Variants in SCN1A observed in about 807,000 individuals in gnomAD.
The protein encoded by SCN1A is sodium channel protein type 1 subunit alpha.
A neutral mutation model predicts 193.7 loss-of-function variants in SCN1A; 13 were observed. The ratio of observed to expected loss-of-function variants is 0.07; its 90% confidence interval spans 0.04 to 0.11. The LOEUF (loss-of-function observed/expected upper bound fraction) is 0.11, where lower values mean the gene tolerates loss of function less well. SCN1A is among the 10% of genes least tolerant of loss of function. The pLI, the probability that SCN1A is intolerant of heterozygous loss-of-function variation, is 1.00. For synonymous variants in SCN1A, 781 were observed against 843.6 expected (o/e 0.93, Z 1.29); for missense variants, 1,432 against 2,451.1 (o/e 0.58, Z 8.78).
chr2:166,100,094 A>G (rs1687872556), intron 2 of SCN1A, among the ~76,000 whole-genome samples: 2 of 132,306 alleles, frequency 1.5e-5, no homozygotes, highest in South Asian at 2.5e-4. Flanking sequence ...GAGGCATCAC[A>G]CTACCTGACT....
intron 2 of SCN1A, among the ~76,000 whole-genome samples, chr2:166,108,634 G>A (rs1041138665): frequency 1.3e-5 from 2 of 152,122 alleles, no homozygotes; most frequent in Admixed American, 1.3e-4. Flanking sequence ...CAATTAAAAT[G>A]AATGAATACT....
At chr2:166,117,789 G>T (rs1294191483) in intron 2 of SCN1A, among the ~76,000 whole-genome samples, 3 of 152,032 alleles carry the variant, frequency 2.0e-5, no homozygotes, top group Non-Finnish European at 4.4e-5. Flanking sequence ...GAGATCAGGA[G>T]TTCAGCCTGG....
At chr2:166,051,317 G>A (rs1698529010) in intron 9 of SCN1A, among the ~76,000 whole-genome samples, 1 of 151,700 alleles carries the variant, frequency 6.6e-6, no homozygotes, top group South Asian at 2.1e-4. Flanking sequence ...AAAATCCAGG[G>A]GGTAGAAATA....
intron 15 of SCN1A, 114 bp from the exon 16 acceptor site, chr2:166,041,583 A>T (rs1195364745): frequency 1.2e-5 from 9 of 781,054 alleles, no homozygotes; most frequent in Non-Finnish European, 1.9e-5. Context: ...TGTTACAGAG[A>T]CAACCTTTTT....
rs1050490889 is a variant in SCN1A at position 166,000,002 on chromosome 2, C to G, written c.4285-226G>C. 7.2e-6 allele frequency: 4 copies of G among 558,476 alleles called. No homozygotes were observed. In the African/African-American group the frequency reaches 7.6e-5, roughly 11 times the overall value. 34.6% of individuals were successfully genotyped at this position (558,476 alleles called of 1,614,324 possible). A position where few individuals can be genotyped will look rare whatever the true frequency, so the allele number is the denominator to read the frequency against. On this transcript the variant is annotated intron_variant, in intron 24 of 28. Transcript: ENST00000674923. ...ATTTGATATATCCTCCCCTTGATAA[C>G]CAACTCACAAGCACTTTTCAATTCT...
chr2:166,142,651 A>T (rs1692136267), intron 1 of SCN1A, among the ~76,000 whole-genome samples: 1 of 152,222 alleles, frequency 6.6e-6, no homozygotes, highest in Non-Finnish European at 1.5e-5. Context: ...TACCTCTCTG[A>T]ATAAAATAAT....
intron 26 of SCN1A, among the ~76,000 whole-genome samples, chr2:165,997,157 C>G (rs140612311): frequency 3.4e-4 from 51 of 151,104 alleles, no homozygotes; most frequent in African/African-American, 1.2e-3. Flanking sequence ...TTCTGTCCCT[C>G]TCTCTTTTTT....
chr2:166,112,389 CT>C (rs951355954), intron 2 of SCN1A, among the ~76,000 whole-genome samples: 12 of 152,116 alleles, frequency 7.9e-5, no homozygotes, highest in Non-Finnish European at 1.5e-4. Context: ...AAGGTATGCA[CT>C]TTTTTTCAAC....
intron 1 of SCN1A, among the ~76,000 whole-genome samples, chr2:166,142,663 C>T (rs377424087): frequency 1.7e-4 from 26 of 152,186 alleles, no homozygotes; most frequent in Non-Finnish European, 3.5e-4. Context: ...TAAAATAATT[C>T]CAACAGAACA....
chr2:166,087,164 TG>T (rs767354952), intron 2 of SCN1A, among the ~76,000 whole-genome samples: 1 of 146,326 alleles, frequency 6.8e-6, no homozygotes, highest in African/African-American at 2.5e-5. Context: ...GAGAACTGGT[TG>T]AAAAAAAAAA....
chr2:166,106,176 G>A (rs1440314569), intron 2 of SCN1A, among the ~76,000 whole-genome samples: 1 of 152,176 alleles, frequency 6.6e-6, no homozygotes, highest in Admixed American at 6.5e-5. Context: ...GATAGAGCGA[G>A]ACTCCGTCTC....
intron 3 of SCN1A, among the ~76,000 whole-genome samples, chr2:166,074,272 C>T (rs900315832): frequency 4.6e-5 from 7 of 152,098 alleles, no homozygotes; most frequent in Non-Finnish European, 7.3e-5. Flanking sequence ...TACTTGAACA[C>T]ATAAAGATAA....
At chr2:166,070,646 T>C (rs1312842745) in intron 4 of SCN1A, among the ~76,000 whole-genome samples, 4 of 152,216 alleles carry the variant, frequency 2.6e-5, no homozygotes, top group Non-Finnish European at 5.9e-5. Context: ...ACAATTTTGT[T>C]TTACATCTGT....
chr2:166,008,937 A>T (rs1419319548), intron 23 of SCN1A, among the ~76,000 whole-genome samples: 1 of 151,008 alleles, frequency 6.6e-6, no homozygotes, highest in Admixed American at 6.6e-5. Flanking sequence ...AAATAAGTCA[A>T]TAATGGCAAA....
At chr2:166,106,047 C>A (rs530860080) in intron 2 of SCN1A, among the ~76,000 whole-genome samples, 2 of 152,258 alleles carry the variant, frequency 1.3e-5, no homozygotes, top group East Asian at 3.9e-4. Flanking sequence ...ATGAGCCGGG[C>A]TGGGTGGCAA....
chr2:166,105,309 C>T (rs1351612606), intron 2 of SCN1A, among the ~76,000 whole-genome samples: 2 of 152,200 alleles, frequency 1.3e-5, no homozygotes, highest in Non-Finnish European at 2.9e-5. Context: ...TGGTTATTAA[C>T]AGGGTTACCA....
At chr2:166,133,278 A>G (rs1481936837) in intron 1 of SCN1A, among the ~76,000 whole-genome samples, 1 of 152,148 alleles carries the variant, frequency 6.6e-6, no homozygotes, top group Non-Finnish European at 1.5e-5. Context: ...GCAGGTGATT[A>G]TTTCAGGGAA....
At chr2:166,059,396 A>G (rs1574305856) in intron 4 of SCN1A, 2 of 152,276 alleles carry the variant, frequency 1.3e-5, no homozygotes, top group South Asian at 4.1e-4. Context: ...GTGCTTTCTT[A>G]TCACAGAGGA....
intron 2 of SCN1A, among the ~76,000 whole-genome samples, chr2:166,087,300 C>G (rs1255505120): frequency 6.6e-6 from 1 of 152,062 alleles, no homozygotes; most frequent in Non-Finnish European, 1.5e-5. Flanking sequence ...AACCCTGTCT[C>G]TACTAAAAAC....
Sources: allele counts gnomAD v4.1 joint callset (sites outside exome capture counted in the v4.1 genomes callset), GRCh38; gene constraint gnomAD v4.1.1; transcripts MANE v1.5; gene names NCBI Gene and HGNC (gene_info 2026-07-23, HGNC 2026-07-21).